The following RBFOX1 variants were observed in gnomAD, a reference collection of about 807,000 sequenced individuals.
RBFOX1 encodes RNA binding protein fox-1 homolog 1.
RBFOX1 carries 8 observed loss-of-function variants against 57.7 expected under a neutral mutation model. The ratio of observed to expected loss-of-function variants is 0.14; its 90% CI spans 0.08 to 0.25. The LOEUF (loss-of-function observed/expected upper bound fraction) is 0.25, where lower values mean the gene tolerates loss of function less well. RBFOX1 is among the 10% of genes least tolerant of loss of function. The probability of loss-of-function intolerance (pLI) is 1.00; values close to 1 mark genes in which losing one functional copy is unlikely to be tolerated. For missense variants in RBFOX1, 611 were observed against 548.5 expected (o/e 1.11, Z -1.14); for synonymous variants, 326 against 222.4 (o/e 1.47, Z -4.15).
intron 2 of RBFOX1, among the ~76,000 whole-genome samples, chr16:6,640,977 T>C (rs375935183): frequency 8.4e-4 from 128 of 152,276 alleles, no homozygotes; most frequent in African/African-American, 2.7e-3. Context: ...AGGCCTGCTT[T>C]CTTTTTAGAA....
Position 6,571,941 on chromosome 16 carries a change from T to G in RBFOX1, c.-63-82662T>G, listed in dbSNP as rs555201697. Among the ~76,000 whole-genome samples, 8 of 152,336 alleles carry G rather than the reference T, an allele frequency of 5.3e-5. No individual in the cohort carries two copies. In the South Asian group the frequency reaches 1.4e-3, roughly 28 times the overall value. On this transcript the variant is annotated intron_variant, in intron 2 of 15. Transcript: ENST00000550418. ...TTATTACAATTATGATTATCATCAT[T>G]TTATATACAGTTGTACTCCTTGCCT... is the stretch of plus-strand genomic sequence containing the variant.
intron 4 of RBFOX1, among the ~76,000 whole-genome samples, chr16:7,201,142 G>C (rs1442442611): frequency 6.6e-6 from 1 of 151,816 alleles, no homozygotes; most frequent in East Asian, 1.9e-4. Flanking sequence ...ATGAGAGAGA[G>C]GAATTGGGGC....
intron 4 of RBFOX1, among the ~76,000 whole-genome samples, chr16:5,879,796 G>A (rs941405515): frequency 6.6e-6 from 1 of 152,190 alleles, no homozygotes; most frequent in Non-Finnish European, 1.5e-5. Context: ...CGCAGTACAG[G>A]ATGCTTCTCT....
At chr16:7,063,342 G>T (rs1263617996) in intron 4 of RBFOX1, among the ~76,000 whole-genome samples, 3 of 152,060 alleles carry the variant, frequency 2.0e-5, no homozygotes, top group Non-Finnish European at 4.4e-5. Flanking sequence ...TAAAGGATCT[G>T]TATCAGTATC....
At chr16:6,189,587 G>C (rs2097129384) in intron 1 of RBFOX1, among the ~76,000 whole-genome samples, 1 of 151,486 alleles carries the variant, frequency 6.6e-6, no homozygotes, top group South Asian at 2.1e-4. Flanking sequence ...TGCTCTCGTT[G>C]TTGGGGGCAT....
intron 2 of RBFOX1, among the ~76,000 whole-genome samples, chr16:6,578,612 T>TGTGTGTGTGTGTGTGG (rs373655762): frequency 0.018 from 2,715 of 147,072 alleles, 75 homozygotes; most frequent in African/African-American, 0.053. Flanking sequence ...TGTGTGTGTG[T>TGTGTGTGTGTGTGTGG]GAGCATGGGA....
intron 2 of RBFOX1, among the ~76,000 whole-genome samples, chr16:6,497,964 C>T (rs1458104016): frequency 6.6e-6 from 1 of 152,062 alleles, no homozygotes; most frequent in Admixed American, 6.5e-5. Context: ...GATGACAATT[C>T]CAGGCCAGGC....
chr16:7,425,730 A>G (rs1306826885), intron 4 of RBFOX1, among the ~76,000 whole-genome samples: 1 of 152,228 alleles, frequency 6.6e-6, no homozygotes, highest in African/African-American at 2.4e-5. Flanking sequence ...GGGGGGATAG[A>G]GACCCCTCCT....
intron 4 of RBFOX1, among the ~76,000 whole-genome samples, chr16:7,116,684 A>T (rs1166598938): frequency 1.3e-5 from 2 of 152,176 alleles, no homozygotes; most frequent in African/African-American, 4.8e-5. Context: ...TGAAGCTACC[A>T]TTAGATTATT....
At chr16:6,593,753 AGAG>A (rs1451451979) in intron 2 of RBFOX1, among the ~76,000 whole-genome samples, 3 of 152,186 alleles carry the variant, frequency 2.0e-5, no homozygotes, top group Non-Finnish European at 4.4e-5. Flanking sequence ...ACTGGAACAG[AGAG>A]GAGGAGAAAC....
At chr16:7,429,390 GAGA>G (rs2098656488) in intron 4 of RBFOX1, among the ~76,000 whole-genome samples, 1 of 152,192 alleles carries the variant, frequency 6.6e-6, no homozygotes, top group South Asian at 2.1e-4. Flanking sequence ...ACCGTCCTCT[GAGA>G]AGCCTTCCCT....
chr16:6,990,440 G>A (rs747414634), intron 3 of RBFOX1, among the ~76,000 whole-genome samples: 13 of 152,034 alleles, frequency 8.6e-5, no homozygotes, highest in African/African-American at 1.2e-4. Context: ...CAGGAGAATC[G>A]CTTGAACCTG....
At chr16:5,661,040 A>G (rs1038796456) in intron 3 of RBFOX1, among the ~76,000 whole-genome samples, 1 of 152,150 alleles carries the variant, frequency 6.6e-6, no homozygotes, top group African/African-American at 2.4e-5. Flanking sequence ...TGCTAATTCA[A>G]TGGCATACTC....
intron 3 of RBFOX1, among the ~76,000 whole-genome samples, chr16:6,846,576 T>C (rs1445412979): frequency 2.0e-5 from 3 of 152,118 alleles, no homozygotes; most frequent in Non-Finnish European, 4.4e-5. Flanking sequence ...CAATGCGAGA[T>C]TGGAGCTACA....
At chr16:7,288,724 C>G (rs1303785324) in intron 4 of RBFOX1, among the ~76,000 whole-genome samples, 1 of 152,126 alleles carries the variant, frequency 6.6e-6, no homozygotes, top group Non-Finnish European at 1.5e-5. Flanking sequence ...GCCAATAATC[C>G]CGGCTACATT....
chr16:6,779,898 TTTA>T (rs2080215670), intron 3 of RBFOX1, among the ~76,000 whole-genome samples: 2 of 36,666 alleles, frequency 5.5e-5, no homozygotes, highest in Non-Finnish European at 9.3e-5. Context: ...TTTATATATA[TTTA>T]TATATATTTA....
intron 3 of RBFOX1, among the ~76,000 whole-genome samples, chr16:6,845,108 C>T (rs564298568): frequency 6.6e-6 from 1 of 151,454 alleles, no homozygotes; most frequent in South Asian, 2.1e-4. Context: ...AGATTGCGAA[C>T]ATTGTCTGCC....
At chr16:5,967,374 C>A (rs1190523969) in intron 4 of RBFOX1, among the ~76,000 whole-genome samples, 23 of 152,080 alleles carry the variant, frequency 1.5e-4, no homozygotes, top group Non-Finnish European at 1.5e-5. Flanking sequence ...TTCCTTGCTA[C>A]CTGGTTTGAT....
At chr16:7,531,599 A>T (rs533733232) in intron 5 of RBFOX1, among the ~76,000 whole-genome samples, 1 of 152,156 alleles carries the variant, frequency 6.6e-6, no homozygotes, top group African/African-American at 2.4e-5. Context: ...GCCATGCACT[A>T]TGTTGTGTAT....
Sources: gnomAD v4.1 joint callset for allele counts (sites outside exome capture counted in the v4.1 genomes callset) on GRCh38, gnomAD v4.1.1 for gene constraint, MANE v1.5 for transcripts, NCBI Gene and HGNC (gene_info 2026-07-23, HGNC 2026-07-21) for gene names.